The following EXOC6 variants were observed in gnomAD, a reference collection of about 807,000 sequenced individuals.
The protein encoded by EXOC6 is SEC15-like 1.
EXOC6 carries 60 observed loss-of-function variants against 112.5 expected under a neutral mutation model. That is an observed-to-expected ratio of 0.53 (90% confidence interval 0.43 to 0.66). The LOEUF (loss-of-function observed/expected upper bound fraction) is 0.66, where lower values mean the gene tolerates loss of function less well. Ranked by LOEUF, EXOC6 falls within the 30% of genes least tolerant of loss-of-function variation. The probability of loss-of-function intolerance (pLI) is 0.00; values close to 1 mark genes in which losing one functional copy is unlikely to be tolerated. For synonymous variants in EXOC6, 295 were observed against 308.0 expected, an observed-to-expected ratio of 0.96 and a Z score of 0.44; for missense variants, 855 against 957.1, an observed-to-expected ratio of 0.89 and a Z score of 1.41.
At chr10:92,928,450 A>T (rs1300995672) in intron 9 of EXOC6, 28 bp downstream of exon 9, 9 of 1,399,002 alleles carry the variant, frequency 6.4e-6, no homozygotes, top group Non-Finnish European at 9.1e-6. Flanking sequence ...TGAATTGGTT[A>T]TGTTGTCACT....
intron 20 of EXOC6, among the ~76,000 whole-genome samples, chr10:93,020,873 C>T (rs1844751807): frequency 6.6e-6 from 1 of 151,390 alleles, no homozygotes; most frequent in African/African-American, 2.4e-5. Context: ...GCCCACTGCC[C>T]CACCATCTCT....
chr10:92,870,961 G>A (rs1848418064), intron 1 of EXOC6, among the ~76,000 whole-genome samples: 1 of 152,084 alleles, frequency 6.6e-6, no homozygotes, highest in Non-Finnish European at 1.5e-5. Flanking sequence ...AACCACCTTG[G>A]CCTCCCAAAG....
chr10:93,009,452 A>G (rs2134219108), intron 19 of EXOC6, among the ~76,000 whole-genome samples: 1 of 152,310 alleles, frequency 6.6e-6, no homozygotes, highest in Admixed American at 6.5e-5. Context: ...GGTGATAAGA[A>G]TGTAGAAGTG....
intron 20 of EXOC6, among the ~76,000 whole-genome samples, chr10:93,026,160 G>A (rs1845015374): frequency 1.3e-5 from 2 of 152,196 alleles, no homozygotes; most frequent in Admixed American, 6.5e-5. Flanking sequence ...GACATATGAA[G>A]TGATTCCAGT....
chr10:92,879,846 T>C (rs1554886182), intron 1 of EXOC6, among the ~76,000 whole-genome samples: 1 of 152,240 alleles, frequency 6.6e-6, no homozygotes, highest in Non-Finnish European at 1.5e-5. Flanking sequence ...GTTTATCCTG[T>C]GCTGTGTTGT....
chr10:92,902,233 C>T (rs1416769946), intron 5 of EXOC6, among the ~76,000 whole-genome samples: 6 of 151,906 alleles, frequency 3.9e-5, no homozygotes, highest in African/African-American at 1.5e-4. Flanking sequence ...ACTTAGTGAG[C>T]CTTCTTTTAA....
chr10:93,017,590 A>G (rs1180809836), intron 20 of EXOC6, among the ~76,000 whole-genome samples: 1 of 151,946 alleles, frequency 6.6e-6, no homozygotes. Context: ...CTCTGTCTCA[A>G]ACAAACAAAC....
intron 20 of EXOC6, among the ~76,000 whole-genome samples, chr10:93,029,596 C>T (rs1280773051): frequency 3.3e-5 from 5 of 152,182 alleles, no homozygotes; most frequent in Non-Finnish European, 7.3e-5. Context: ...TGTCTGTTCA[C>T]TCTTAATAGT....
At chr10:93,027,036 A>G (rs1845059414) in intron 20 of EXOC6, among the ~76,000 whole-genome samples, 1 of 152,222 alleles carries the variant, frequency 6.6e-6, no homozygotes, top group African/African-American at 2.4e-5. Flanking sequence ...ATAATTATTG[A>G]AGGAAATTAA....
At chr10:92,998,182 T>G (rs889851396) in intron 19 of EXOC6, among the ~76,000 whole-genome samples, 1 of 152,212 alleles carries the variant, frequency 6.6e-6, no homozygotes, top group African/African-American at 2.4e-5. Context: ...GATATGCTAT[T>G]TGGTCATTAG....
chr10:93,022,665 C>A (rs1564918040), intron 20 of EXOC6, among the ~76,000 whole-genome samples: 1 of 151,750 alleles, frequency 6.6e-6, no homozygotes, highest in Non-Finnish European at 1.5e-5. Flanking sequence ...TGTTTTTTTG[C>A]TTATATTTGT....
At chr10:92,976,300 T>A (rs867888466) in intron 18 of EXOC6, among the ~76,000 whole-genome samples, 10 of 152,182 alleles carry the variant, frequency 6.6e-5, no homozygotes, top group African/African-American at 2.4e-4. Context: ...GAGGTAGACA[T>A]GAGAGACTTT....
At chr10:92,881,921 C>T (rs1466821680) in intron 1 of EXOC6, among the ~76,000 whole-genome samples, 1 of 152,068 alleles carries the variant, frequency 6.6e-6, no homozygotes, top group African/African-American at 2.4e-5. Context: ...CCTCTTCTTC[C>T]ACCATGATTG....
chr10:92,880,538 A>G (rs949033394), intron 1 of EXOC6, among the ~76,000 whole-genome samples: 4 of 152,190 alleles, frequency 2.6e-5, no homozygotes, highest in African/African-American at 9.7e-5. Context: ...AATTGAATGT[A>G]GAAATAGAAG....
At chr10:92,927,974 C>G (rs1341800524) in intron 8 of EXOC6, among the ~76,000 whole-genome samples, 1 of 152,090 alleles carries the variant, frequency 6.6e-6, no homozygotes, top group Non-Finnish European at 1.5e-5. Flanking sequence ...GCTCATGTTA[C>G]ACATAGGGCC....
chr10:93,018,198 T>TA (rs1202378577), intron 20 of EXOC6, among the ~76,000 whole-genome samples: 5 of 151,330 alleles, frequency 3.3e-5, no homozygotes, highest in African/African-American at 7.3e-5. Context: ...AAACCAGTTA[T>TA]AAAAAAAAGG....
rs1854111330 is a variant in EXOC6, at chr10:92,963,177, T to G, written c.1773+7463T>G. On this transcript the variant is annotated intron_variant, in intron 17 of 21. Coordinates refer to ENST00000260762, the MANE Select transcript of EXOC6 (RefSeq NM_019053.6). Reference sequence around the variant, plus strand: ...TTATGTTAATAAGGATGCTTATTTTTGGTTTAAAATAATGTTTGGTTTACA... The same window carrying G: ...TTATGTTAATAAGGATGCTTATTTTGGGTTTAAAATAATGTTTGGTTTACA... Among the ~76,000 whole-genome samples, 3 of 152,228 alleles carry G rather than the reference T, an allele frequency of 2.0e-5. No homozygotes were observed. The South Asian group carries it at 6.2e-4, about 32-fold the overall frequency.
intron 6 of EXOC6, among the ~76,000 whole-genome samples, chr10:92,914,336 G>T (rs1564825707): frequency 6.6e-6 from 1 of 152,118 alleles, no homozygotes; most frequent in Non-Finnish European, 1.5e-5. Flanking sequence ...AGAACAAAAG[G>T]ACTAAATAGT....
intron 6 of EXOC6, among the ~76,000 whole-genome samples, chr10:92,911,076 ATAAT>A (rs967335645): frequency 6.9e-4 from 70 of 101,200 alleles, no homozygotes; most frequent in African/African-American, 2.2e-3. Context: ...AAGTTAAAAA[ATAAT>A]TAAATTTTCT....
Sources: allele counts gnomAD v4.1 joint callset (sites outside exome capture counted in the v4.1 genomes callset), GRCh38; gene constraint gnomAD v4.1.1; transcripts MANE v1.5; gene names NCBI Gene and HGNC (gene_info 2026-07-23, HGNC 2026-07-21).